REPS2: variants seen among roughly 807,000 people sequenced by gnomAD.
REPS2 encodes ralBP1-associated Eps domain-containing protein 2.
In REPS2, 23 loss-of-function variants were observed where a neutral mutation model predicts 53.6. The observed-to-expected ratio is 0.43, with a 90% CI of 0.31 to 0.61. REPS2 has a LOEUF of 0.61. REPS2 is among the 20% of genes least tolerant of loss of function. REPS2 has a pLI of 0.11. For synonymous variants in REPS2, 238 were observed against 218.6 expected (o/e 1.09, Z -0.78); for missense variants, 446 against 534.9 (o/e 0.83, Z 1.64).
At chrX:17,161,951 G>C in the REPS2 span, among the ~76,000 whole-genome samples, 1 of 111,955 alleles carries the variant, frequency 8.9e-6, no homozygotes, top group Non-Finnish European at 1.9e-5. Flanking sequence ...TAGTGGCTTA[G>C]TGGCTGCTTC....
At chrX:17,062,620 C>A (rs780974774) in intron 9 of REPS2, 88 bp downstream of exon 9, 74 of 614,498 alleles carry the variant, frequency 1.2e-4, no homozygotes, top group Non-Finnish European at 1.7e-4. Flanking sequence ...GGAAAATGAA[C>A]TTTTTTTTTG....
At chrX:17,017,289 T>A (rs973133980) in intron 2 of REPS2, among the ~76,000 whole-genome samples, 36 of 112,072 alleles carry the variant, frequency 3.2e-4, no homozygotes, top group Non-Finnish European at 6.2e-4. Flanking sequence ...TTCTTAAAAG[T>A]GGATTGCTCC....
the REPS2 span, among the ~76,000 whole-genome samples, chrX:17,166,346 C>G: frequency 8.9e-6 from 1 of 111,793 alleles, no homozygotes; most frequent in African/African-American, 3.3e-5. Context: ...TGGGCTACTC[C>G]CCAAGAAGTG....
chrX:17,016,760 CTTTTT>C (rs139092298), intron 2 of REPS2, among the ~76,000 whole-genome samples: 5 of 63,665 alleles, frequency 7.9e-5, no homozygotes, highest in Non-Finnish European at 1.4e-4. Context: ...TTTCTTTTTT[CTTTTT>C]TTTTTTTTTT....
chrX:16,968,714 C>T (rs1329108034), intron 1 of REPS2, among the ~76,000 whole-genome samples: 1 of 102,275 alleles, frequency 9.8e-6, no homozygotes, highest in Non-Finnish European at 2.0e-5. Context: ...CCCCACCTCC[C>T]TCCCGGACGG....
In REPS2 at chrX:17,058,452, C is replaced by CA. The variant is rs66501468; in HGVS notation, c.1114+3521dup. On this transcript the variant is annotated intron_variant, in intron 8 of 17. Transcript: ENST00000357277. Reference sequence around the variant, plus strand: ...TGGGTGACAGAGCTAGACTCCTTCTCAAAAAAAAAAAAAAAAAAAGTCACT... The same window carrying CA: ...TGGGTGACAGAGCTAGACTCCTTCTCAAAAAAAAAAAAAAAAAAAAGTCACT... 3.9e-3 allele frequency among the ~76,000 whole-genome samples: 277 copies of CA among 70,960 alleles called. 4 individuals are homozygous for CA. Among genetic ancestry groups the CA allele is most frequent in the African/African-American group, 0.013 (245 of 18,864 alleles). The allele number at this position is 70,960 out of a possible 115,157, so 61.6% of individuals were successfully genotyped here.
chrX:16,957,078 A>C (rs972605944), intron 1 of REPS2, among the ~76,000 whole-genome samples: 8 of 112,373 alleles, frequency 7.1e-5, no homozygotes, highest in East Asian at 5.5e-4. Context: ...AATTTTCCAA[A>C]TAATTAAAGT....
At chrX:17,099,700 T>C (rs1198644062) in intron 13 of REPS2, 1 of 469,976 alleles carries the variant, frequency 2.1e-6, no homozygotes. Flanking sequence ...CTCTATGGTG[T>C]CAAGACAAGT....
rs1408113326 is a variant in REPS2 at position 16,964,891 on chromosome X, G to A, written c.273+17757G>A. Among the ~76,000 whole-genome samples, 38 of 68,168 alleles carry A rather than the reference G, an allele frequency of 5.6e-4. 4 individuals are homozygous for A. The Admixed American group carries it at 5.6e-3, about 10-fold the overall frequency. The allele number at this position is 68,168 out of a possible 115,157, so 59.2% of individuals were successfully genotyped here. A position where few individuals can be genotyped will look rare whatever the true frequency, so the allele number is the denominator to read the frequency against. On this transcript the variant is annotated intron_variant, in intron 1 of 17. Transcript: ENST00000357277. Reference sequence around the variant, plus strand: ...CAGAGGCGCCCCTCACTTCCCGGACGGGGCGGCTGGCCAGGTGGGGGGCTG... The same window carrying A: ...CAGAGGCGCCCCTCACTTCCCGGACAGGGCGGCTGGCCAGGTGGGGGGCTG...
chrX:17,105,411 A>T (rs764805575), intron 14 of REPS2, among the ~76,000 whole-genome samples: 14 of 112,222 alleles, frequency 1.2e-4, no homozygotes, highest in South Asian at 7.4e-4. Context: ...TTTTGTAACC[A>T]ACCTTCTAGC....
chrX:16,969,611 A>G (rs895791587), intron 1 of REPS2, among the ~76,000 whole-genome samples: 3 of 110,957 alleles, frequency 2.7e-5, no homozygotes, highest in East Asian at 5.7e-4. Flanking sequence ...CTGCAATTGC[A>G]GGCACTCGGC....
intron 17 of REPS2, among the ~76,000 whole-genome samples, chrX:17,141,105 T>G (rs1323989297): frequency 8.9e-6 from 1 of 111,860 alleles, no homozygotes; most frequent in African/African-American, 3.2e-5. Flanking sequence ...GCTGAGTTTG[T>G]AACAAGTACA....
intron 6 of REPS2, among the ~76,000 whole-genome samples, chrX:17,050,701 GT>G (rs1031895723): frequency 1.6e-4 from 17 of 106,377 alleles, no homozygotes; most frequent in East Asian, 5.8e-4. Flanking sequence ...TAATGTTTTA[GT>G]TTTTTTTTTA....
the REPS2 span, among the ~76,000 whole-genome samples, chrX:17,189,887 A>G: frequency 8.9e-6 from 1 of 112,204 alleles, no homozygotes; most frequent in Non-Finnish European, 1.9e-5. Context: ...CTAACAGAAC[A>G]TGAAAGGAAG....
chrX:17,145,293 C>T (rs1174943948), intron 17 of REPS2, among the ~76,000 whole-genome samples: 2 of 111,516 alleles, frequency 1.8e-5, no homozygotes, highest in African/African-American at 3.3e-5. Context: ...TATATGGTCT[C>T]ATGGCTTTGA....
intron 11 of REPS2, among the ~76,000 whole-genome samples, chrX:17,071,360 CTACT>C (rs2062301264): frequency 1.9e-5 from 1 of 53,829 alleles, no homozygotes. Context: ...ATAACTTTTC[CTACT>C]TTTTTTTTTT....
chrX:17,052,546 T>G (rs2062017298), intron 7 of REPS2, 101 bp downstream of exon 7: 7 of 590,029 alleles, frequency 1.2e-5, no homozygotes, highest in Admixed American at 3.7e-5. Context: ...TTGAATGATG[T>G]TTTTAACAGA....
rs1328299360 is a variant in REPS2 at position 17,130,051 on chromosome X, G to A, written c.1579-3773G>A. On this transcript the variant is annotated intron_variant, in intron 14 of 17. Coordinates refer to ENST00000357277, the MANE Select transcript of REPS2 (RefSeq NM_004726.3). ...GATTTCTAGGTAAAAGGCAAGAAGG[G>A]GCCTCAGGTTCAAGTTGCATTCTTC... Among the ~76,000 whole-genome samples, 4 of 112,284 alleles carry A rather than the reference G, an allele frequency of 3.6e-5. No individual in the cohort carries two copies. The East Asian group carries it at 1.1e-3, about 31-fold the overall frequency.
At chrX:17,182,625 G>T in the REPS2 span, among the ~76,000 whole-genome samples, 1 of 111,996 alleles carries the variant, frequency 8.9e-6, no homozygotes, top group African/African-American at 3.2e-5. Flanking sequence ...TAGGAAGGGA[G>T]TGCTGAATTA....
Sources: allele counts gnomAD v4.1 joint callset (sites outside exome capture counted in the v4.1 genomes callset), GRCh38; gene constraint gnomAD v4.1.1; transcripts MANE v1.5; gene names NCBI Gene and HGNC (gene_info 2026-07-23, HGNC 2026-07-21).